CPQ: variants seen among roughly 807,000 people sequenced by gnomAD.
The protein encoded by CPQ is Ser-Met dipeptidase.
CPQ carries 37 observed loss-of-function variants against 45.7 expected under a neutral mutation model. The observed-to-expected ratio is 0.81, with a 90% confidence interval of 0.62 to 1.07. The LOEUF (loss-of-function observed/expected upper bound fraction) is 1.07. Ranked by LOEUF, CPQ falls within the 50% of genes least tolerant of loss-of-function variation. The pLI is 0.00. For missense variants in CPQ, 537 were observed against 572.9 expected (o/e 0.94, Z 0.64); for synonymous variants, 186 against 205.8 (o/e 0.90, Z 0.82).
At chr8:96,919,003 G>A (rs1305468103) in intron 4 of CPQ, among the ~76,000 whole-genome samples, 1 of 152,052 alleles carries the variant, frequency 6.6e-6, no homozygotes, top group East Asian at 1.9e-4. Flanking sequence ...TTTCTCTCAG[G>A]TATACCCTAA....
intron 6 of CPQ, among the ~76,000 whole-genome samples, chr8:97,055,822 G>A (rs959188698): frequency 7.2e-5 from 11 of 152,064 alleles, no homozygotes; most frequent in African/African-American, 2.4e-4. Context: ...TTTTTAGGCC[G>A]GGCACAGTGG....
chr8:96,974,291 G>C (rs1813737508), intron 5 of CPQ, among the ~76,000 whole-genome samples: 1 of 152,118 alleles, frequency 6.6e-6, no homozygotes, highest in South Asian at 2.1e-4. Context: ...ATTATATAAT[G>C]ATAAAAGGAC....
intron 4 of CPQ, among the ~76,000 whole-genome samples, chr8:96,926,569 C>CTT (rs1189643403): frequency 1.3e-3 from 147 of 115,958 alleles, no homozygotes; most frequent in Middle Eastern, 4.3e-3. Flanking sequence ...TCTTCCTCTT[C>CTT]CTCTTCCTCT....
intron 6 of CPQ, 22 bp from the exon 7 acceptor site, chr8:97,065,987 A>T: frequency 6.2e-7 from 1 of 1,608,590 alleles, no homozygotes; most frequent in Non-Finnish European, 8.5e-7. Flanking sequence ...ATAAGAACCA[A>T]ACAATTTTCT....
intron 4 of CPQ, among the ~76,000 whole-genome samples, chr8:96,964,181 C>T (rs1004343806): frequency 1.7e-5 from 2 of 120,506 alleles, no homozygotes; most frequent in South Asian, 3.0e-4. Context: ...TATACACACA[C>T]ACACACACAC....
chr8:96,956,576 A>G lies in CPQ; in HGVS notation c.850-9359A>G, dbSNP rs13272005. Among the ~76,000 whole-genome samples, 1,107 of 152,240 alleles carry G rather than the reference A, an allele frequency of 7.3e-3. 5 individuals are homozygous for G. Among genetic ancestry groups the G allele is most frequent in the Non-Finnish European group, 0.011 (721 of 68,006 alleles). ...GAAGAGTTTTTCATTTTAGGTATAT[A>G]TACATAATACATATATTCTTTTCCT... On this transcript the variant is annotated intron_variant, in intron 4 of 7. Coordinates refer to ENST00000220763, the MANE Select transcript of CPQ (RefSeq NM_016134.4).
chr8:96,921,226 G>A (rs970598570), intron 4 of CPQ, among the ~76,000 whole-genome samples: 1 of 152,030 alleles, frequency 6.6e-6, no homozygotes, highest in African/African-American at 2.4e-5. Flanking sequence ...CCCCTTTACT[G>A]TGAATGTAGA....
Position 96,834,983 on chromosome 8 carries a change from A to G in CPQ, c.444A>G (p.Ala148=). 1.2e-6 allele frequency: 2 copies of G among 1,612,366 alleles called. No individual in the cohort carries two copies. The highest frequency in any genetic ancestry group is 1.7e-6 in the Non-Finnish European group (2 of 1,179,352). ...SIGTPPEGIT[A]EVLVVTSFDE... is the part of the protein sequence containing the mutation. The stretch of plus-strand genomic sequence containing the variant: ...GACTTTTATTTCTAGGCATTACAGC[A>G]GAAGTTCTGGTGGTGACCTCTTTCG... The change falls in exon 3 of 8, where the codon GCA becomes GCG. Residue 148 remains alanine, a synonymous_variant. Transcript: ENST00000220763.
chr8:96,659,336 T>G (rs1190533004), intron 1 of CPQ: 4 of 152,026 alleles, frequency 2.6e-5, no homozygotes, highest in African/African-American at 4.8e-5. Flanking sequence ...GAGTAGATCT[T>G]GGCTGTGACT....
At chr8:96,957,865 G>A (rs547872990) in intron 4 of CPQ, among the ~76,000 whole-genome samples, 2 of 151,168 alleles carry the variant, frequency 1.3e-5, no homozygotes, top group African/African-American at 4.9e-5. Context: ...ACAGGATCTG[G>A]CTCTGTGGTA....
chr8:96,987,745 A>C (rs1305401785), intron 5 of CPQ, among the ~76,000 whole-genome samples: 3 of 152,196 alleles, frequency 2.0e-5, no homozygotes, highest in Non-Finnish European at 4.4e-5. Context: ...TCTTCATGTG[A>C]GTTCCATTCA....
intron 7 of CPQ, chr8:97,133,213 T>C (rs1811989284): frequency 6.6e-6 from 1 of 152,226 alleles, no homozygotes; most frequent in African/African-American, 2.4e-5. Context: ...TATTTATATT[T>C]ATGCACATGT....
In CPQ at chr8:96,755,579, C is replaced by T. The variant is rs1003232276; in HGVS notation, c.-34-29285C>T. Among the ~76,000 whole-genome samples the T allele has an allele frequency of 2.3e-4, 35 of 151,588 alleles. 1 individual carries two copies. Among genetic ancestry groups the T allele is most frequent in the African/African-American group, 7.7e-4 (32 of 41,326 alleles). On this transcript the variant is annotated intron_variant, in intron 1 of 7. Coordinates refer to ENST00000220763, the MANE Select transcript of CPQ (RefSeq NM_016134.4). The stretch of plus-strand genomic sequence containing the variant: ...AAAGTCCTGAGGTTAATCATGTGAA[C>T]AATTACAAGGTCAAATCTTATAAAT...
intron 4 of CPQ, among the ~76,000 whole-genome samples, chr8:96,962,442 C>A (rs1401045812): frequency 6.6e-6 from 1 of 152,202 alleles, no homozygotes; most frequent in Non-Finnish European, 1.5e-5. Context: ...CTAGGCCATG[C>A]TTTTGCTCAA....
intron 1 of CPQ, among the ~76,000 whole-genome samples, chr8:96,698,064 G>GA (rs1411153090): frequency 2.0e-5 from 3 of 151,646 alleles, no homozygotes; most frequent in Non-Finnish European, 4.4e-5. Flanking sequence ...TGAACAAAAG[G>GA]AAAAAAATGA....
At chr8:97,069,817 G>A (rs1399933105) in intron 7 of CPQ, among the ~76,000 whole-genome samples, 1 of 151,872 alleles carries the variant, frequency 6.6e-6, no homozygotes, top group Non-Finnish European at 1.5e-5. Context: ...ATAATTTGAG[G>A]TGACTGTATG....
At chr8:96,784,192 A>G (rs1179930173) in intron 1 of CPQ, among the ~76,000 whole-genome samples, 1 of 152,074 alleles carries the variant, frequency 6.6e-6, no homozygotes, top group Non-Finnish European at 1.5e-5. Flanking sequence ...ATTATTATTT[A>G]TTATGTAGGT....
At chr8:97,024,987 G>A (rs774333975) in intron 5 of CPQ, among the ~76,000 whole-genome samples, 10 of 152,146 alleles carry the variant, frequency 6.6e-5, no homozygotes, top group Non-Finnish European at 1.3e-4. Context: ...GGTTGAAACC[G>A]AATAGTAAAT....
At chr8:97,068,239 A>C (rs1372279989) in intron 7 of CPQ, among the ~76,000 whole-genome samples, 1 of 152,198 alleles carries the variant, frequency 6.6e-6, no homozygotes, top group African/African-American at 2.4e-5. Flanking sequence ...CTAAAATAAG[A>C]AAGCATTTTC....
Sources: gnomAD v4.1 joint callset for allele counts (sites outside exome capture counted in the v4.1 genomes callset) on GRCh38, gnomAD v4.1.1 for gene constraint, MANE v1.5 for transcripts, NCBI Gene and HGNC (gene_info 2026-07-23, HGNC 2026-07-21) for gene names.